Variants in LRRCC1 observed in about 807,000 individuals in gnomAD.
The protein encoded by LRRCC1 is leucine rich repeat and coiled-coil centrosomal protein 1.
Under a neutral mutation model 126.0 loss-of-function variants are expected in LRRCC1, and 115 were observed. That is an observed-to-expected ratio of 0.91 (90% CI 0.78 to 1.07). LRRCC1 has a LOEUF of 1.07. LRRCC1 is among the 50% of genes least tolerant of loss of function. LRRCC1 has a pLI of 0.00. For synonymous variants in LRRCC1, 400 were observed against 393.4 expected (o/e 1.02, Z -0.20); for missense variants, 1,172 against 1,175.7 (o/e 1.00, Z 0.05).
chr8:85,132,672 C>T (rs565251336), intron 12 of LRRCC1, among the ~76,000 whole-genome samples: 6 of 152,292 alleles, frequency 3.9e-5, no homozygotes, highest in South Asian at 4.1e-4. Context: ...GGATTACAGG[C>T]GTGAGCCACT....
chr8:85,110,355 G>A (rs1808611375), intron 3 of LRRCC1, among the ~76,000 whole-genome samples, 175 bp downstream of exon 3: 1 of 152,146 alleles, frequency 6.6e-6, no homozygotes, highest in African/African-American at 2.4e-5. Context: ...CAAAACCACA[G>A]CTGAGTACAA....
intron 6 of LRRCC1, among the ~76,000 whole-genome samples, chr8:85,119,005 G>A (rs1280769697): frequency 6.6e-6 from 1 of 151,464 alleles, no homozygotes; most frequent in Non-Finnish European, 1.5e-5. Context: ...ATTTAGATCT[G>A]TATACATATA....
At chr8:85,130,117 T>C in intron 11 of LRRCC1, 59 bp downstream of exon 11, 1 of 1,192,328 alleles carries the variant, frequency 8.4e-7, no homozygotes, top group South Asian at 1.6e-5. Context: ...AGAAAGCTAC[T>C]GGTTCCCCAC....
In LRRCC1 at chr8:85,130,003, A is replaced by G. The variant is rs202241750; in HGVS notation, c.1711A>G (p.Arg571Gly). 7 of 1,602,054 alleles carry G rather than the reference A, an allele frequency of 4.4e-6. No homozygotes were observed. In the East Asian group the frequency reaches 1.6e-4, roughly 36 times the overall value. The part of the protein sequence containing the change: ...YLLRTSLHRE[R>G]EQAQQLHQLL... ...ACTTAGAACTTCCCTTCATCGAGAA[A>G]GAGAACAAGCGCAACAACTTCATCA... is the stretch of plus-strand genomic sequence containing the variant. Residue 571 changes from arginine to glycine, a missense_variant, in exon 11 of 19, where the codon AGA becomes GGA. Coordinates refer to ENST00000360375, the MANE Select transcript of LRRCC1 (RefSeq NM_033402.5).
chr8:85,131,969 T>C lies in LRRCC1; in HGVS notation c.1968+8T>C. On this transcript the variant is annotated splice_region_variant and intron_variant, in intron 12 of 18. Transcript: ENST00000360375. ...GCCAGAAGATTTCAAGATGTAAGAA[T>C]TGGCACCCAGCTTTTTATTGAAAAC... The C allele has an allele frequency of 1.9e-6, 3 of 1,604,166 alleles. No homozygotes were observed. The highest frequency in any genetic ancestry group is 2.5e-6 in the Non-Finnish European group (3 of 1,176,702).
In LRRCC1 at chr8:85,135,756, A is replaced by C. The variant is rs1810807341; in HGVS notation, c.2155-33A>C. ...AATAGAAAATAAAGCACTTAATATA[A>C]TAATTCTTATTTTTTTTTTTGGGAA... On this transcript the variant is annotated intron_variant, in intron 13 of 18. Coordinates refer to ENST00000360375, the MANE Select transcript of LRRCC1 (RefSeq NM_033402.5). 4 of 1,238,540 alleles carry C rather than the reference A, an allele frequency of 3.2e-6. No individual in the cohort carries two copies. In the East Asian group the frequency reaches 1.2e-4, roughly 36 times the overall value. The allele number at this position is 1,238,540 out of a possible 1,614,324, so 76.7% of individuals were successfully genotyped here.
intron 6 of LRRCC1, among the ~76,000 whole-genome samples, chr8:85,118,015 G>A (rs527550665): frequency 5.3e-5 from 8 of 151,978 alleles, no homozygotes; most frequent in African/African-American, 1.9e-4. Flanking sequence ...TTCCCTTATG[G>A]CCTCTCTGAC....
chr8:85,122,257 C>T (rs1260663694), intron 6 of LRRCC1, among the ~76,000 whole-genome samples: 1 of 152,110 alleles, frequency 6.6e-6, no homozygotes, highest in African/African-American at 2.4e-5. Flanking sequence ...ATTTATCCTG[C>T]TTGGGGTTTC....
At chr8:85,115,061 T>G (rs1416721078) in intron 4 of LRRCC1, 39 bp from the exon 5 acceptor site, 1 of 1,471,438 alleles carries the variant, frequency 6.8e-7, no homozygotes, top group Non-Finnish European at 9.1e-7. Context: ...TGACTTTTTT[T>G]AATATTTCAG....
intron 8 of LRRCC1, among the ~76,000 whole-genome samples, chr8:85,125,598 G>A (rs1809921901): frequency 7.2e-6 from 1 of 139,114 alleles, no homozygotes; most frequent in Non-Finnish European, 1.5e-5. Flanking sequence ...GCGTGAACCC[G>A]GGAGGCGGAG....
chr8:85,142,249 C>T (rs1046717406), intron 18 of LRRCC1, among the ~76,000 whole-genome samples: 2 of 151,964 alleles, frequency 1.3e-5, no homozygotes, highest in South Asian at 2.1e-4. Flanking sequence ...GCCGAGATTG[C>T]GCCACTGCAC....
intron 17 of LRRCC1, among the ~76,000 whole-genome samples, chr8:85,141,137 A>G (rs750271184): frequency 1.3e-5 from 2 of 152,148 alleles, no homozygotes; most frequent in Non-Finnish European, 2.9e-5. Flanking sequence ...ACTTTCAGAA[A>G]ATGAAAGTGT....
chr8:85,129,285 A>T lies in LRRCC1; in HGVS notation c.1532A>T (p.Lys511Ile). Reference protein sequence around the residue: ...KKLTVELMKAKDQQEDHLKHL... With the variant: ...KKLTVELMKAIDQQEDHLKHL... The stretch of plus-strand genomic sequence containing the variant: ...CTGACTGTTGAACTAATGAAAGCAA[A>T]AGATCAACAAGAGGATCACCTTAAA... The change falls in exon 10 of 19, where the codon AAA becomes ATA. Residue 511 changes from lysine (K) to isoleucine (I), a missense_variant. Transcript: ENST00000360375. 3 of 1,613,816 alleles carry T rather than the reference A, an allele frequency of 1.9e-6. No homozygotes were observed. Among genetic ancestry groups the T allele is most frequent in the Non-Finnish European group, 2.5e-6 (3 of 1,179,796 alleles).
At chr8:85,111,430 T>C (rs1018263386) in intron 3 of LRRCC1, among the ~76,000 whole-genome samples, 1 of 152,204 alleles carries the variant, frequency 6.6e-6, no homozygotes, top group Non-Finnish European at 1.5e-5. Context: ...TACTATGTAA[T>C]GTTTAGCAAG....
chr8:85,125,396 G>A (rs909449489), intron 8 of LRRCC1, among the ~76,000 whole-genome samples: 2 of 152,020 alleles, frequency 1.3e-5, no homozygotes, highest in Non-Finnish European at 2.9e-5. Context: ...GTTCAAGGCC[G>A]GGCGCGGTGG....
intron 12 of LRRCC1, among the ~76,000 whole-genome samples, chr8:85,133,507 C>A (rs958166902): frequency 4.3e-4 from 65 of 152,180 alleles, no homozygotes; most frequent in African/African-American, 1.5e-3. Context: ...TGTCTAACCA[C>A]CTATTTAACA....
chr8:85,121,904 C>T (rs1809591043), intron 6 of LRRCC1, among the ~76,000 whole-genome samples: 2 of 152,094 alleles, frequency 1.3e-5, no homozygotes. Context: ...TTTATTTCTT[C>T]TTGAGGATTC....
chr8:85,133,819 C>T (rs1762940346), intron 12 of LRRCC1, among the ~76,000 whole-genome samples: 1 of 152,222 alleles, frequency 6.6e-6, no homozygotes, highest in Admixed American at 6.5e-5. Flanking sequence ...CTACCCCCCT[C>T]TGTTTATGCC....
In LRRCC1 at chr8:85,115,429, G is replaced by A; in HGVS notation, c.775G>A (p.Glu259Lys). ...TAPIDELVPL[E>K]QFASTPSDAV... ...ACCTATCGATGAGTTAGTTCCCTTG[G>A]AACAGTTTGCAAGTACACCAAGTGA... The change falls in exon 6 of 19, where the codon GAA (glutamate) becomes AAA (lysine). Residue 259 changes from glutamate (E) to lysine (K), a missense_variant. By Grantham distance (56) the Glu-to-Lys change is moderately conservative. Transcript: ENST00000360375. 1 of 1,613,812 alleles carries A rather than the reference G, an allele frequency of 6.2e-7. No individual in the cohort carries two copies. The highest frequency in any genetic ancestry group is 1.7e-5 in the Admixed American group (1 of 60,006).
Sources: allele counts gnomAD v4.1 joint callset (sites outside exome capture counted in the v4.1 genomes callset), GRCh38; gene constraint gnomAD v4.1.1; transcripts MANE v1.5; gene names NCBI Gene and HGNC (gene_info 2026-07-23, HGNC 2026-07-21).